The following MDGA2 variants were observed in gnomAD, a reference collection of about 807,000 sequenced individuals.
The protein encoded by MDGA2 is MAM domain-containing glycosylphosphatidylinositol anchor protein 2.
MDGA2 carries 40 observed loss-of-function variants against 117.8 expected under a neutral mutation model. The ratio of observed to expected loss-of-function variants is 0.34; its 90% CI spans 0.26 to 0.44. The LOEUF is 0.44. MDGA2 is among the 20% of genes least tolerant of loss of function. The pLI is 1.00. For missense variants in MDGA2, 1,123 were observed against 1,250.6 expected, an observed-to-expected ratio of 0.90 and a Z score of 1.54; for synonymous variants, 452 against 439.0, an observed-to-expected ratio of 1.03 and a Z score of -0.37.
chr14:47,589,564 G>A (rs761357895), intron 1 of MDGA2, among the ~76,000 whole-genome samples: 27 of 151,978 alleles, frequency 1.8e-4, no homozygotes, highest in Middle Eastern at 3.4e-3. Flanking sequence ...CTTGATTACT[G>A]CAGTTTTGTA....
intron 1 of MDGA2, among the ~76,000 whole-genome samples, chr14:47,353,168 G>C (rs528397695): frequency 1.3e-5 from 2 of 152,170 alleles, no homozygotes; most frequent in Admixed American, 1.3e-4. Flanking sequence ...CACAGTAGCT[G>C]TACATGCTTG....
rs3039658 is a variant in MDGA2 at position 47,508,352 on chromosome 14, ACT to A, written c.280+166163_280+166164del. On this transcript the variant is annotated intron_variant, in intron 1 of 16. Transcript: ENST00000399232. ...CACATATTTCCTAATTTGCTGATTGACTCTCTCTCTCTCTCTCTCTCTCTCTC... is the reference window on the plus strand; with the variant it reads ...CACATATTTCCTAATTTGCTGATTGACTCTCTCTCTCTCTCTCTCTCTCTC... Among the ~76,000 whole-genome samples, 360 of 132,752 alleles carry A rather than the reference ACT, an allele frequency of 2.7e-3. 2 individuals carry two copies. Among genetic ancestry groups the A allele is most frequent in the Middle Eastern group, 4.1e-3 (1 of 246 alleles). 87.1% of individuals were successfully genotyped at this position (132,752 alleles called of 152,430 possible).
At chr14:47,514,094 T>G (rs1036750818) in intron 1 of MDGA2, among the ~76,000 whole-genome samples, 2 of 152,140 alleles carry the variant, frequency 1.3e-5, no homozygotes, top group Non-Finnish European at 2.9e-5. Context: ...GAGTTTTGGT[T>G]TTAACAAGGT....
chr14:47,248,562 T>C lies in MDGA2; in HGVS notation c.421-30367A>G, dbSNP rs1488195394. Among the ~76,000 whole-genome samples, 4 of 152,156 alleles carry C rather than the reference T, an allele frequency of 2.6e-5. No individual in the cohort carries two copies. The East Asian group carries it at 5.8e-4, about 22-fold the overall frequency. On this transcript the variant is annotated intron_variant, in intron 2 of 16. Coordinates refer to ENST00000399232, the MANE Select transcript of MDGA2 (RefSeq NM_001113498.3). ...AATCTTTAATATCTAATTGAACTTATACGGTTTTATAGTAATAAAATAAGT... is the reference window on the plus strand; with the variant it reads ...AATCTTTAATATCTAATTGAACTTACACGGTTTTATAGTAATAAAATAAGT...
chr14:46,868,836 C>A (rs574943264), intron 14 of MDGA2, among the ~76,000 whole-genome samples: 1 of 151,954 alleles, frequency 6.6e-6, no homozygotes. Flanking sequence ...ATCTGTTTTG[C>A]AGAGAAAATG....
At chr14:47,351,078 ATT>A (rs36042383) in intron 1 of MDGA2, among the ~76,000 whole-genome samples, 5,799 of 127,890 alleles carry the variant, frequency 0.045, 184 homozygotes, top group African/African-American at 0.077. Context: ...GGCCCGGCTA[ATT>A]TTTTTTTTTT....
chr14:47,017,424 T>C (rs1888123713), intron 8 of MDGA2, among the ~76,000 whole-genome samples: 1 of 151,494 alleles, frequency 6.6e-6, no homozygotes, highest in Non-Finnish European at 1.5e-5. Context: ...CAATAAGAAA[T>C]AAAATACATT....
chr14:47,226,200 T>A (rs553692796), intron 2 of MDGA2, among the ~76,000 whole-genome samples: 2 of 149,134 alleles, frequency 1.3e-5, no homozygotes, highest in Non-Finnish European at 3.0e-5. Flanking sequence ...GGCAACAGAG[T>A]GAGACACTGT....
rs1471704145 is a variant in MDGA2, at chr14:46,855,873, T to G, written c.2753-719A>C. Among the ~76,000 whole-genome samples, 1 of 152,152 alleles carries G rather than the reference T, an allele frequency of 6.6e-6. No individual in the cohort carries two copies. The highest frequency in any genetic ancestry group is 1.5e-5 in the Non-Finnish European group (1 of 68,002). ...CATTTAGCATCTTATTTTTTCAGTTTGATTTTTACCTGTCTCATTTTTCTT... is the reference window on the plus strand; with the variant it reads ...CATTTAGCATCTTATTTTTTCAGTTGGATTTTTACCTGTCTCATTTTTCTT... On this transcript the variant is annotated intron_variant, in intron 14 of 16. Transcript: ENST00000399232. This position sits in a 1 kb window ranked among gnomAD's most constrained non-coding sequence, Gnocchi z 4.1.
At chr14:46,999,207 G>GT (rs202108711) in intron 8 of MDGA2, among the ~76,000 whole-genome samples, 1,642 of 146,912 alleles carry the variant, frequency 0.011, 28 homozygotes, top group African/African-American at 0.039. Context: ...GTCACAGCAG[G>GT]TAAAAAAAAA....
intron 2 of MDGA2, among the ~76,000 whole-genome samples, chr14:47,271,841 A>G (rs8017252): frequency 0.51 from 76,985 of 151,922 alleles, 19,965 homozygotes; most frequent in East Asian, 0.71. Context: ...TTCTTTCTCA[A>G]TTGTGGTGAC....
rs201171359 is a variant in MDGA2, at chr14:46,957,377, T to C, written c.2086A>G (p.Thr696Ala). Residue 696 changes from threonine to alanine, a missense_variant, in exon 9 of 17, where the codon ACA (threonine) becomes GCA (alanine). Physicochemically the swap from Thr to Ala is moderately conservative, Grantham distance 58 (BLOSUM62 0). Coordinates refer to ENST00000399232, the MANE Select transcript of MDGA2 (RefSeq NM_001113498.3). ...AAGAAAATATCTGGAATCCTACCTG[T>C]AACAAGAAAGCTGCATCTCCCAGCT... ...AGAGRCSFLV[T>A]GKAYAPEFYY... 2 of 1,612,230 alleles carry C rather than the reference T, an allele frequency of 1.2e-6. No individual in the cohort carries two copies. Among genetic ancestry groups the C allele is most frequent in the African/African-American group, 2.7e-5 (2 of 74,918 alleles).
chr14:47,109,012 T>G (rs1880892111), intron 5 of MDGA2, among the ~76,000 whole-genome samples: 1 of 152,202 alleles, frequency 6.6e-6, no homozygotes, highest in Admixed American at 6.5e-5. Context: ...TACTGTTCTT[T>G]CCAACAGGTG....
intron 1 of MDGA2, among the ~76,000 whole-genome samples, chr14:47,329,051 T>C (rs1293684130): frequency 6.6e-6 from 1 of 152,176 alleles, no homozygotes; most frequent in East Asian, 1.9e-4. Flanking sequence ...AGCTAATTCA[T>C]ATTTTAAAAC....
intron 9 of MDGA2, among the ~76,000 whole-genome samples, chr14:46,947,279 C>T (rs1201988606): frequency 6.6e-6 from 1 of 152,082 alleles, no homozygotes; most frequent in East Asian, 1.9e-4. Flanking sequence ...TCAAGTTGCA[C>T]AAAGTTTAAT....
chr14:47,618,288 A>C (rs1896984070), intron 1 of MDGA2, among the ~76,000 whole-genome samples: 2 of 152,224 alleles, frequency 1.3e-5, no homozygotes, highest in African/African-American at 4.8e-5. Context: ...CTTTTTGCAG[A>C]TGCAAAATTC....
chr14:47,643,055 T>C (rs1014122377), intron 1 of MDGA2, among the ~76,000 whole-genome samples: 1 of 152,068 alleles, frequency 6.6e-6, no homozygotes, highest in Non-Finnish European at 1.5e-5. Context: ...CTAACCACTA[T>C]GTAAGCATTC....
At chr14:47,101,317 A>G (rs1880312639) in intron 5 of MDGA2, among the ~76,000 whole-genome samples, 1 of 152,192 alleles carries the variant, frequency 6.6e-6, no homozygotes. Flanking sequence ...ATTTTAGAAA[A>G]TATCTTTGAG....
At chr14:47,200,477 T>C in intron 3 of MDGA2, 1 of 512,402 alleles carries the variant, frequency 2.0e-6, no homozygotes. Context: ...TTTTAATTAC[T>C]CATATATGCA....
Sources: allele counts gnomAD v4.1 joint callset (sites outside exome capture counted in the v4.1 genomes callset), GRCh38; gene constraint gnomAD v4.1.1; non-coding constraint Gnocchi (gnomAD v3.1); transcripts MANE v1.5; gene names NCBI Gene and HGNC (gene_info 2026-07-23, HGNC 2026-07-21).